ZIM2: variants seen among roughly 807,000 people sequenced by gnomAD.
The protein encoded by ZIM2 is zinc finger protein 656.
ZIM2 carries 14 observed loss-of-function variants against 38.6 expected under a neutral mutation model. That is an observed-to-expected ratio of 0.36 (90% CI 0.24 to 0.57). The LOEUF (loss-of-function observed/expected upper bound fraction) is 0.57, where lower values mean the gene tolerates loss of function less well. Ranked by LOEUF, ZIM2 falls within the 20% of genes least tolerant of loss-of-function variation. The pLI, the probability that ZIM2 is intolerant of heterozygous loss-of-function variation, is 0.81. For missense variants in ZIM2, 680 were observed against 695.1 expected, an observed-to-expected ratio of 0.98 and a Z score of 0.24; for synonymous variants, 247 against 245.8, an observed-to-expected ratio of 1.00 and a Z score of -0.04.
chr19:56,812,718 G>A (rs539367999), intron 9 of ZIM2: 71 of 984,704 alleles, frequency 7.2e-5, no homozygotes, highest in Admixed American at 6.2e-5. Flanking sequence ...GTGATCTAGT[G>A]ATGGTTGTAA....
At chr19:56,821,583 G>T in intron 7 of ZIM2, 68 bp downstream of exon 7, 1 of 1,584,336 alleles carries the variant, frequency 6.3e-7, no homozygotes. Flanking sequence ...CACCATCTGG[G>T]GAAAGAAAGG....
intron 2 of ZIM2, chr19:56,833,474 AG>A (rs1321853018): frequency 3.4e-6 from 1 of 289,964 alleles, no homozygotes; most frequent in Non-Finnish European, 6.8e-6. Context: ...ATGCTGTCCC[AG>A]CCCAGGCCTA....
intron 1 of ZIM2, among the ~76,000 whole-genome samples, chr19:56,839,782 G>A (rs939379384): frequency 2.0e-5 from 3 of 151,986 alleles, no homozygotes; most frequent in African/African-American, 7.3e-5. Context: ...GCGCCTGCGC[G>A]GCAAACCTCA....
chr19:56,817,884 A>G, intron 8 of ZIM2, 46 bp from the exon 9 acceptor site: 5 of 1,423,986 alleles, frequency 3.5e-6, no homozygotes, highest in Non-Finnish European at 4.9e-6. Flanking sequence ...GTTGAGGACC[A>G]AGACTCATCA....
chr19:56,803,077 C>T (rs1255435386), intron 9 of ZIM2, among the ~76,000 whole-genome samples: 1 of 152,154 alleles, frequency 6.6e-6, no homozygotes, highest in Non-Finnish European at 1.5e-5. Flanking sequence ...GCCACCCTTT[C>T]AAAAGAGACA....
rs2045934500 is a variant in ZIM2 at position 56,775,139 on chromosome 19, T to G, written c.1226A>C (p.His409Pro). 1 of 1,614,150 alleles carries G rather than the reference T, an allele frequency of 6.2e-7. No homozygotes were observed. Among genetic ancestry groups the G allele is most frequent in the African/African-American group, 1.3e-5 (1 of 75,026 alleles). The change falls in exon 13 of 13, where the codon CAT becomes CCT. Residue 409 changes from histidine to proline, a missense_variant. His to Pro is a moderately conservative substitution (Grantham distance 77). Coordinates refer to ENST00000629319, the MANE Select transcript of ZIM2 (RefSeq NM_001387356.1). Reference sequence around the variant, plus strand: ...GCAGCCAGAAGTCTTCCTACCAGAATGGGTCTTCTGATGTCTGTTGAGGTG... The same window carrying G: ...GCAGCCAGAAGTCTTCCTACCAGAAGGGGTCTTCTGATGTCTGTTGAGGTG... The part of the protein sequence containing the change: ...MPHLNRHQKT[H>P]SGRKTSGCNE...
At position 56,775,283 on chromosome 19, in the gene ZIM2, C is replaced by T. The variant is rs2045940445; in HGVS notation, c.1082G>A (p.Cys361Tyr). The T allele has an allele frequency of 1.2e-6, 2 of 1,614,176 alleles. No individual in the cohort carries two copies. The highest frequency in any genetic ancestry group is 1.1e-5 in the South Asian group (1 of 91,084). Residue 361 changes from cysteine to tyrosine, a missense_variant, in exon 13 of 13, where the codon TGT (cysteine) becomes TAT (tyrosine). Transcript: ENST00000629319. ...ACTAAAGGTTCGTTTGCAAAATTCA[C>T]ATCTGTTGTGTTTGTTCTCTTGGGA... Reference protein sequence around the residue: ...SASQENKHNRCEFCKRTFSTQ... With the variant: ...SASQENKHNRYEFCKRTFSTQ...
rs761448460 is a variant in ZIM2 at position 56,782,154 on chromosome 19, G to C, written c.571-33C>G. The stretch of plus-strand genomic sequence containing the variant: ...AGAGAGAGGAGAAGGGACGTGATTA[G>C]AGAGGACTGAACATGATGCAGGCAT... On this transcript the variant is annotated intron_variant, in intron 10 of 12. Transcript: ENST00000629319. 7 of 1,605,486 alleles carry C rather than the reference G, an allele frequency of 4.4e-6. No individual in the cohort carries two copies. In the South Asian group the frequency reaches 7.8e-5, roughly 18 times the overall value.
intron 2 of ZIM2, among the ~76,000 whole-genome samples, chr19:56,827,799 T>C (rs1311839821): frequency 1.3e-5 from 2 of 152,286 alleles, no homozygotes; most frequent in East Asian, 3.9e-4. Flanking sequence ...TCCAAGATAG[T>C]TAAGTGCAAA....
rs142091870 is a variant in ZIM2 at position 56,822,830 on chromosome 19, C to T, written c.113G>A (p.Arg38Gln). ...PHSVHSFSGD[R>Q]DWDRRGRSRD... Reference sequence around the variant, plus strand: ...GCTTCTGCCCCTCCGGTCCCAGTCCCGGTCACCTAAGCAGGTGAGACATTC... The same window carrying T: ...GCTTCTGCCCCTCCGGTCCCAGTCCTGGTCACCTAAGCAGGTGAGACATTC... The change falls in exon 6 of 13, where the codon CGG becomes CAG. Residue 38 changes from arginine (R) to glutamine (Q), a missense_variant. Physicochemically the swap from Arg to Gln is conservative, Grantham distance 43 (BLOSUM62 1). Transcript: ENST00000629319. 935 of 1,613,576 alleles carry T rather than the reference C, an allele frequency of 5.8e-4. 2 individuals carry two copies. The highest frequency in any genetic ancestry group is 1.4e-3 in the South Asian group (128 of 90,910).
At chr19:56,823,554 C>T in intron 5 of ZIM2, 36 bp downstream of exon 5, 1 of 1,613,362 alleles carries the variant, frequency 6.2e-7, no homozygotes, top group Non-Finnish European at 8.5e-7. Flanking sequence ...TCTGGCAGCG[C>T]CTGCCCATGG....
intron 1 of ZIM2, among the ~76,000 whole-genome samples, chr19:56,838,100 A>C (rs1428528774): frequency 6.6e-6 from 1 of 152,196 alleles, no homozygotes; most frequent in Non-Finnish European, 1.5e-5. Context: ...GCCAGCAAAG[A>C]TGATGCCACA....
chr19:56,777,008 C>A (rs961885465), intron 12 of ZIM2, among the ~76,000 whole-genome samples: 20 of 152,184 alleles, frequency 1.3e-4, no homozygotes, highest in Non-Finnish European at 2.9e-5. Flanking sequence ...TGAATTTTAT[C>A]TTGACGGAGG....
intron 9 of ZIM2, chr19:56,813,903 G>C: frequency 6.2e-7 from 1 of 1,614,172 alleles, no homozygotes. Context: ...TGGAAGTGAA[G>C]GTTTCTGTGC....
chr19:56,813,899 T>G (rs1436147477), intron 9 of ZIM2: 2 of 1,614,090 alleles, frequency 1.2e-6, no homozygotes, highest in Non-Finnish European at 1.7e-6. Flanking sequence ...GTGCTGGAAG[T>G]GAAGGTTTCT....
At chr19:56,798,182 A>G (rs1600785289) in intron 9 of ZIM2, 1 of 152,230 alleles carries the variant, frequency 6.6e-6, no homozygotes, top group African/African-American at 2.4e-5. Flanking sequence ...TGAATTACTT[A>G]TCAGGGCAAA....
intron 9 of ZIM2, among the ~76,000 whole-genome samples, chr19:56,796,247 G>A (rs140813550): frequency 6.6e-6 from 1 of 152,278 alleles, no homozygotes; most frequent in African/African-American, 2.4e-5. Context: ...CTATGCACAT[G>A]CTTAGGCATA....
chr19:56,788,456 A>C (rs1471571791), intron 10 of ZIM2, among the ~76,000 whole-genome samples: 3 of 152,030 alleles, frequency 2.0e-5, no homozygotes, highest in Non-Finnish European at 4.4e-5. Flanking sequence ...CTTTTCCTTA[A>C]GAATGTTGAT....
intron 10 of ZIM2, among the ~76,000 whole-genome samples, chr19:56,789,665 GAGTC>G (rs2046820485): frequency 6.6e-6 from 1 of 152,022 alleles, no homozygotes; most frequent in African/African-American, 2.4e-5. Flanking sequence ...GAGGATAAAA[GAGTC>G]AGAAGGATTT....
Sources: gnomAD v4.1 joint callset for allele counts (sites outside exome capture counted in the v4.1 genomes callset) on GRCh38, gnomAD v4.1.1 for gene constraint, MANE v1.5 for transcripts, NCBI Gene and HGNC (gene_info 2026-07-23, HGNC 2026-07-21) for gene names.